The following THADA variants were observed in gnomAD, a reference collection of about 807,000 sequenced individuals.
The protein encoded by THADA is tRNA (32-2'-O)-methyltransferase regulator THADA.
A neutral mutation model predicts 219.8 loss-of-function variants in THADA; 213 were observed. The observed-to-expected ratio is 0.97, with a 90% confidence interval of 0.87 to 1.09. THADA has a LOEUF of 1.09. THADA is among the 50% of genes least tolerant of loss of function. The pLI is 0.00. For synonymous variants in THADA, 1,018 were observed against 828.9 expected (o/e 1.23, Z -3.92); for missense variants, 2,956 against 2,311.3 (o/e 1.28, Z -5.72).
chr2:43,595,934 G>C lies in THADA; in HGVS notation c.-28C>G, dbSNP rs1430653026. 6.6e-6 allele frequency: 1 copy of C among 152,324 alleles called. No individual in the cohort carries two copies. The highest frequency in any genetic ancestry group is 2.4e-5 in the African/African-American group (1 of 41,458). The allele number at this position is 152,324 out of a possible 1,614,324, so 9.4% of individuals were successfully genotyped here. A position where few individuals can be genotyped will look rare whatever the true frequency, so the allele number is the denominator to read the frequency against. On this transcript the variant is annotated 5_prime_UTR_variant, in exon 1 of 38. Transcript: ENST00000405975. ...GCAGGACACCTGGGAGCCAAACCTC[G>C]TGCACGTCGGCGTCTGAGAAGAGTC... is the stretch of plus-strand genomic sequence containing the variant.
intron 31 of THADA, among the ~76,000 whole-genome samples, chr2:43,313,422 T>C (rs1677731030): frequency 6.6e-6 from 1 of 152,184 alleles, no homozygotes; most frequent in Admixed American, 6.5e-5. Flanking sequence ...TAAAACAAAA[T>C]GTTTATTGCA....
chr2:43,576,921 G>A, intron 10 of THADA, 101 bp downstream of exon 10: 1 of 1,012,714 alleles, frequency 9.9e-7, no homozygotes, highest in Non-Finnish European at 1.5e-6. Flanking sequence ...TACTGGGAGG[G>A]TAGCTGGGAT....
intron 28 of THADA, among the ~76,000 whole-genome samples, chr2:43,400,315 C>G (rs1674642905): frequency 6.6e-6 from 1 of 151,846 alleles, no homozygotes; most frequent in Non-Finnish European, 1.5e-5. Flanking sequence ...AAAACAAAAC[C>G]TCTCCTCAAA....
intron 29 of THADA, among the ~76,000 whole-genome samples, chr2:43,372,806 G>A (rs1353848624): frequency 6.6e-6 from 1 of 152,150 alleles, no homozygotes; most frequent in African/African-American, 2.4e-5. Context: ...CTACAGTGCA[G>A]TGGCGCGGTC....
At chr2:43,489,519 T>C (rs181105673) in intron 25 of THADA, among the ~76,000 whole-genome samples, 1 of 152,320 alleles carries the variant, frequency 6.6e-6, no homozygotes, top group African/African-American at 2.4e-5. Context: ...TTTTAGCTTT[T>C]ACATTTAGGT....
rs760820113 is a variant in THADA, at chr2:43,592,061, CA to C, written c.77-16del. The C allele has an allele frequency of 1.0e-4, 153 of 1,506,516 alleles. 1 individual carries two copies. The highest frequency in any genetic ancestry group is 2.9e-4 in the South Asian group (22 of 76,546). The allele number at this position is 1,506,516 out of a possible 1,614,324, so 93.3% of individuals were successfully genotyped here. On this transcript the variant is annotated splice_polypyrimidine_tract_variant and intron_variant, in intron 2 of 37. Transcript: ENST00000405975. Reference sequence around the variant, plus strand: ...ATCAGCAAAAGCTATATAACATATACAAAAAAAAATTTTCAATGATTTAACA... The same window carrying C: ...ATCAGCAAAAGCTATATAACATATACAAAAAAAATTTTCAATGATTTAACA...
chr2:43,321,262 C>T (rs192744617), intron 30 of THADA, among the ~76,000 whole-genome samples: 28 of 152,310 alleles, frequency 1.8e-4, no homozygotes, highest in African/African-American at 6.5e-4. Context: ...CTTTGGTGTA[C>T]TAATAATACA....
At chr2:43,525,753 G>A (rs1298176889) in intron 22 of THADA, among the ~76,000 whole-genome samples, 1 of 152,140 alleles carries the variant, frequency 6.6e-6, no homozygotes, top group Non-Finnish European at 1.5e-5. Context: ...AACCATGAAT[G>A]TAATAAAATG....
At chr2:43,284,706 A>G (rs1209030671) in intron 35 of THADA, among the ~76,000 whole-genome samples, 1 of 152,230 alleles carries the variant, frequency 6.6e-6, no homozygotes, top group Non-Finnish European at 1.5e-5. Flanking sequence ...ACCGTCCTCC[A>G]GACCCCAGAA....
At chr2:43,430,986 A>G (rs1015196986) in intron 26 of THADA, among the ~76,000 whole-genome samples, 1 of 152,228 alleles carries the variant, frequency 6.6e-6, no homozygotes, top group African/African-American at 2.4e-5. Flanking sequence ...ACTTGTAAGA[A>G]TTATCTTTTT....
At chr2:43,547,933 A>G (rs1382905806) in intron 20 of THADA, among the ~76,000 whole-genome samples, 3 of 151,908 alleles carry the variant, frequency 2.0e-5, no homozygotes, top group Admixed American at 1.3e-4. Flanking sequence ...TGGAGGAGGA[A>G]AGGCACCCTG....
chr2:43,592,143 T>C, intron 2 of THADA, 97 bp from the exon 3 acceptor site: 11 of 1,044,656 alleles, frequency 1.1e-5, no homozygotes, highest in South Asian at 1.8e-5. Context: ...TTATAAACCA[T>C]AGCAATAGGT....
intron 29 of THADA, among the ~76,000 whole-genome samples, chr2:43,365,079 C>G (rs1162924927): frequency 6.6e-6 from 1 of 151,586 alleles, no homozygotes; most frequent in Non-Finnish European, 1.5e-5. Flanking sequence ...GCATGCACCA[C>G]TATGCCTGGC....
At chr2:43,284,376 T>C (rs1269456918) in intron 35 of THADA, among the ~76,000 whole-genome samples, 1 of 152,202 alleles carries the variant, frequency 6.6e-6, no homozygotes, top group African/African-American at 2.4e-5. Flanking sequence ...CCAGCTGCTC[T>C]AGCTCCAGCT....
At chr2:43,483,932 C>T (rs1375480118) in intron 26 of THADA, among the ~76,000 whole-genome samples, 1 of 151,904 alleles carries the variant, frequency 6.6e-6, no homozygotes, top group African/African-American at 2.4e-5. Flanking sequence ...AACTGTAGCA[C>T]ACTGGAGAAT....
At chr2:43,466,774 A>AG (rs1206715089) in intron 26 of THADA, among the ~76,000 whole-genome samples, 1 of 152,222 alleles carries the variant, frequency 6.6e-6, no homozygotes, top group African/African-American at 2.4e-5. Context: ...GAGGCAACTG[A>AG]GGCAGAAAGC....
At chr2:43,274,989 T>C (rs1402388015) in intron 36 of THADA, among the ~76,000 whole-genome samples, 2 of 125,964 alleles carry the variant, frequency 1.6e-5, no homozygotes, top group African/African-American at 6.9e-5. Context: ...CTTTCTTTTC[T>C]TTTCTTTTCT....
intron 28 of THADA, among the ~76,000 whole-genome samples, chr2:43,414,179 A>G (rs1348965532): frequency 6.6e-6 from 1 of 152,208 alleles, no homozygotes. Context: ...TGTATTTGCA[A>G]CTGTGACTGA....
At chr2:43,594,192 A>G (rs538693194) in intron 1 of THADA, among the ~76,000 whole-genome samples, 2 of 152,278 alleles carry the variant, frequency 1.3e-5, no homozygotes, top group Non-Finnish European at 2.9e-5. Context: ...TACAATCATC[A>G]AAGCAATCTC....
Sources: gnomAD v4.1 joint callset for allele counts (sites outside exome capture counted in the v4.1 genomes callset) on GRCh38, gnomAD v4.1.1 for gene constraint, MANE v1.5 for transcripts, NCBI Gene and HGNC (gene_info 2026-07-23, HGNC 2026-07-21) for gene names.